Variants in FBXL13 observed in about 807,000 individuals in gnomAD.
FBXL13 encodes F-box and leucine-rich repeat protein 13.
Under a neutral mutation model 83.6 loss-of-function variants are expected in FBXL13, and 67 were observed. The observed-to-expected ratio is 0.80, with a 90% CI of 0.66 to 0.98. The LOEUF (loss-of-function observed/expected upper bound fraction) is 0.98. FBXL13 is among the 50% of genes least tolerant of loss of function. FBXL13 has a pLI of 0.00. For synonymous variants in FBXL13, 272 were observed against 299.5 expected (o/e 0.91, Z 0.95); for missense variants, 822 against 866.5 (o/e 0.95, Z 0.64).
chr7:102,853,094 G>A (rs964961913), intron 17 of FBXL13, among the ~76,000 whole-genome samples: 6 of 152,158 alleles, frequency 3.9e-5, no homozygotes, highest in South Asian at 2.1e-4. Context: ...AACATTGTAT[G>A]TTCTCACTCA....
chr7:102,876,764 CCCTATATCTT>C (rs933261475), intron 16 of FBXL13, among the ~76,000 whole-genome samples: 2 of 152,072 alleles, frequency 1.3e-5, no homozygotes, highest in Non-Finnish European at 2.9e-5. Flanking sequence ...ATCCTTACCT[CCCTATATCTT>C]CCTATATCCC....
At chr7:102,948,333 G>T (rs1004847798) in intron 8 of FBXL13, among the ~76,000 whole-genome samples, 18 of 152,066 alleles carry the variant, frequency 1.2e-4, no homozygotes, top group Admixed American at 8.5e-4. Flanking sequence ...CAATGTGCTG[G>T]GATTACAGGA....
chr7:102,934,168 C>A, intron 8 of FBXL13: 6 of 1,614,234 alleles, frequency 3.7e-6, no homozygotes, highest in South Asian at 2.2e-5. Context: ...ATTTGCTGCA[C>A]ATGCTGCTAG....
intron 16 of FBXL13, among the ~76,000 whole-genome samples, chr7:102,871,300 T>G (rs913066163): frequency 6.6e-6 from 1 of 152,130 alleles, no homozygotes; most frequent in Non-Finnish European, 1.5e-5. Flanking sequence ...ACCATCTTTC[T>G]CTCAAAACCT....
intron 6 of FBXL13, among the ~76,000 whole-genome samples, chr7:103,013,976 T>C (rs1488945091): frequency 6.6e-6 from 1 of 151,752 alleles, no homozygotes; most frequent in Non-Finnish European, 1.5e-5. Flanking sequence ...CCCCCAGAAA[T>C]ACAAAAAACC....
intron 17 of FBXL13, among the ~76,000 whole-genome samples, chr7:102,836,801 A>G (rs1241618350): frequency 6.7e-6 from 1 of 148,158 alleles, no homozygotes; most frequent in Non-Finnish European, 1.5e-5. Context: ...GACTGTCACA[A>G]TAATGTGCTT....
chr7:102,821,290 C>T (rs907389127), intron 19 of FBXL13, among the ~76,000 whole-genome samples: 2 of 152,194 alleles, frequency 1.3e-5, no homozygotes, highest in African/African-American at 4.8e-5. Context: ...GATCCAACTC[C>T]AGCTGGCTGC....
At chr7:102,868,435 T>C (rs922518476) in intron 16 of FBXL13, among the ~76,000 whole-genome samples, 9 of 152,320 alleles carry the variant, frequency 5.9e-5, no homozygotes, top group African/African-American at 1.4e-4. Context: ...CTTGGATTAT[T>C]TGACTTAACA....
intron 17 of FBXL13, among the ~76,000 whole-genome samples, chr7:102,838,133 A>G (rs1802319418): frequency 6.6e-6 from 1 of 152,186 alleles, no homozygotes; most frequent in African/African-American, 2.4e-5. Flanking sequence ...TTAAGAGCAC[A>G]GTCTGGGGGC....
chr7:102,875,938 G>C lies in FBXL13; in HGVS notation c.1635+1529C>G, dbSNP rs144369325. ...CAAAGAAAGGTAGAGGAAAACCCTGGAATGTCCCTTCTACTGGCCCTGTAA... is the reference window on the plus strand; with the variant it reads ...CAAAGAAAGGTAGAGGAAAACCCTGCAATGTCCCTTCTACTGGCCCTGTAA... On this transcript the variant is annotated intron_variant, in intron 16 of 19. Transcript: ENST00000313221. Among the ~76,000 whole-genome samples the C allele has an allele frequency of 2.4e-4, 37 of 152,250 alleles. No homozygotes were observed. In the East Asian group the frequency reaches 6.2e-3, roughly 25 times the overall value.
chr7:102,913,687 G>C (rs930117216), intron 10 of FBXL13, among the ~76,000 whole-genome samples: 1 of 152,218 alleles, frequency 6.6e-6, no homozygotes, highest in African/African-American at 2.4e-5. Context: ...ATTTGGGACA[G>C]AAGGCAAAAC....
chr7:102,916,890 GA>G (rs1286379139), intron 10 of FBXL13, among the ~76,000 whole-genome samples: 1 of 151,678 alleles, frequency 6.6e-6, no homozygotes, highest in African/African-American at 2.4e-5. Context: ...AAACTACAAA[GA>G]TTTTTTTTTC....
chr7:103,030,946 AAGGGAGGGAGGGAGCG>A (rs1325332106), intron 2 of FBXL13: 1 of 152,008 alleles, frequency 6.6e-6, no homozygotes, highest in Non-Finnish European at 1.5e-5. Context: ...CCCAGTTTGC[AAGGGAGGGAGGGAGCG>A]AGGGAGCGAG....
chr7:103,022,579 C>G (rs534259882), intron 6 of FBXL13, among the ~76,000 whole-genome samples: 3 of 152,084 alleles, frequency 2.0e-5, no homozygotes, highest in East Asian at 3.9e-4. Context: ...AGGGAAAGAA[C>G]TCTTCATTCA....
intron 10 of FBXL13, among the ~76,000 whole-genome samples, chr7:102,918,597 C>T (rs1346856297): frequency 6.6e-6 from 1 of 152,162 alleles, no homozygotes; most frequent in Non-Finnish European, 1.5e-5. Context: ...AAGAGGATTG[C>T]CTGAGGCCAT....
At chr7:102,957,900 G>A (rs996403065) in intron 8 of FBXL13, among the ~76,000 whole-genome samples, 2 of 152,154 alleles carry the variant, frequency 1.3e-5, no homozygotes, top group Non-Finnish European at 2.9e-5. Flanking sequence ...ATGCTGGAGA[G>A]GATGTGGAGA....
At chr7:103,019,613 T>C (rs1792872894) in intron 6 of FBXL13, among the ~76,000 whole-genome samples, 1 of 151,948 alleles carries the variant, frequency 6.6e-6, no homozygotes, top group Admixed American at 6.5e-5. Flanking sequence ...AAGAATCAAA[T>C]AGACACAATA....
At chr7:102,893,526 G>A (rs993881046) in intron 11 of FBXL13, among the ~76,000 whole-genome samples, 9 of 152,274 alleles carry the variant, frequency 5.9e-5, no homozygotes, top group Middle Eastern at 6.8e-3. Context: ...CAGCACTTTG[G>A]GAGGCCGAGA....
At chr7:103,031,408 T>G (rs1323467978) in intron 2 of FBXL13, 2 of 152,234 alleles carry the variant, frequency 1.3e-5, no homozygotes, top group African/African-American at 4.8e-5. Context: ...ATATATGTAT[T>G]GATCCATCAA....
Sources: allele counts gnomAD v4.1 joint callset (sites outside exome capture counted in the v4.1 genomes callset), GRCh38; gene constraint gnomAD v4.1.1; transcripts MANE v1.5; gene names NCBI Gene and HGNC (gene_info 2026-07-23, HGNC 2026-07-21).